LUZP2: variants seen among roughly 807,000 people sequenced by gnomAD.
The protein encoded by LUZP2 is leucine zipper protein 2.
Under a neutral mutation model 51.6 loss-of-function variants are expected in LUZP2, and 52 were observed. The ratio of observed to expected loss-of-function variants is 1.01; its 90% CI spans 0.81 to 1.27. The LOEUF (loss-of-function observed/expected upper bound fraction) is 1.27, where lower values mean the gene tolerates loss of function less well. Among genes scored for constraint, LUZP2 ranks in the 50% most tolerant of loss-of-function variants. The probability of loss-of-function intolerance (pLI) is 0.00; values close to 1 mark genes in which losing one functional copy is unlikely to be tolerated. For missense variants in LUZP2, 436 were observed against 395.4 expected (o/e 1.10, Z -0.87); for synonymous variants, 154 against 137.3 (o/e 1.12, Z -0.85).
chr11:24,997,236 C>A (rs1856532323), intron 9 of LUZP2, among the ~76,000 whole-genome samples: 1 of 151,922 alleles, frequency 6.6e-6, no homozygotes, highest in Non-Finnish European at 1.5e-5. Context: ...GTTCCACCAA[C>A]AGTGTAAAAG....
At chr11:24,521,071 C>T (rs1850623423) in intron 1 of LUZP2, among the ~76,000 whole-genome samples, 1 of 152,162 alleles carries the variant, frequency 6.6e-6, no homozygotes, top group African/African-American at 2.4e-5. Context: ...GATTGTGTGG[C>T]TGGGCGTGGT....
chr11:24,849,883 T>C (rs1474170592), intron 5 of LUZP2, among the ~76,000 whole-genome samples: 2 of 152,222 alleles, frequency 1.3e-5, no homozygotes, highest in South Asian at 2.1e-4. Context: ...CCAGTGATGC[T>C]GAGCTTTTTC....
intron 5 of LUZP2, among the ~76,000 whole-genome samples, chr11:24,876,973 A>G (rs1167565888): frequency 6.6e-6 from 1 of 152,176 alleles, no homozygotes; most frequent in Admixed American, 6.6e-5. Flanking sequence ...ACCTGACTTT[A>G]TGTCAGAAAT....
chr11:25,039,158 C>G (rs1857959399), intron 9 of LUZP2, among the ~76,000 whole-genome samples: 1 of 152,148 alleles, frequency 6.6e-6, no homozygotes, highest in African/African-American at 2.4e-5. Flanking sequence ...GTTGTTAGAT[C>G]TTTCAGGTGT....
chr11:25,014,084 C>A (rs1030774715), intron 9 of LUZP2, among the ~76,000 whole-genome samples: 6 of 152,218 alleles, frequency 3.9e-5, no homozygotes, highest in South Asian at 2.1e-4. Flanking sequence ...TGAACTCATC[C>A]TTTTTTATGG....
intron 5 of LUZP2, among the ~76,000 whole-genome samples, chr11:24,859,181 A>G (rs907613565): frequency 6.6e-6 from 1 of 152,226 alleles, no homozygotes; most frequent in African/African-American, 2.4e-5. Context: ...ATTGTCACAT[A>G]TGACTTATAT....
intron 9 of LUZP2, among the ~76,000 whole-genome samples, chr11:25,042,106 C>T (rs1858081932): frequency 6.6e-6 from 1 of 152,062 alleles, no homozygotes; most frequent in South Asian, 2.1e-4. Context: ...AAGGAAAAAA[C>T]TTCATATATC....
At chr11:24,623,866 G>A (rs78048083) in intron 1 of LUZP2, among the ~76,000 whole-genome samples, 5,375 of 151,978 alleles carry the variant, frequency 0.035, 306 homozygotes, top group African/African-American at 0.12. Context: ...AGAAAATGTC[G>A]AAACACTATT....
At chr11:25,067,596 G>C (rs1212958877) in intron 10 of LUZP2, among the ~76,000 whole-genome samples, 1 of 152,018 alleles carries the variant, frequency 6.6e-6, no homozygotes, top group Non-Finnish European at 1.5e-5. Context: ...TTGGTCATTA[G>C]AGAAATGCAA....
chr11:24,553,172 A>G (rs1851770173), intron 1 of LUZP2, among the ~76,000 whole-genome samples: 1 of 151,836 alleles, frequency 6.6e-6, no homozygotes, highest in Middle Eastern at 3.4e-3. Flanking sequence ...GTGTATATAT[A>G]CACACACATT....
At chr11:24,748,910 CAA>C (rs548583846) in intron 4 of LUZP2, among the ~76,000 whole-genome samples, 206 of 152,156 alleles carry the variant, frequency 1.4e-3, no homozygotes, top group African/African-American at 4.7e-3. Context: ...TATATTTCAA[CAA>C]AAGAGTCTTC....
At chr11:25,022,188 T>C (rs1479270095) in intron 9 of LUZP2, among the ~76,000 whole-genome samples, 1 of 152,048 alleles carries the variant, frequency 6.6e-6, no homozygotes, top group Non-Finnish European at 1.5e-5. Context: ...TGTATTAATA[T>C]GCTGTGTCCT....
At chr11:24,831,065 G>A (rs1850689491) in intron 5 of LUZP2, among the ~76,000 whole-genome samples, 1 of 152,180 alleles carries the variant, frequency 6.6e-6, no homozygotes, top group Non-Finnish European at 1.5e-5. Context: ...AAACTCAAGA[G>A]TTCTGTTTCC....
intron 5 of LUZP2, among the ~76,000 whole-genome samples, chr11:24,815,104 G>C (rs1850140261): frequency 6.6e-6 from 1 of 152,096 alleles, no homozygotes; most frequent in South Asian, 2.1e-4. Flanking sequence ...ATGGGAAACT[G>C]AATCTGTGTT....
intron 1 of LUZP2, among the ~76,000 whole-genome samples, chr11:24,545,201 G>A (rs1012358582): frequency 1.4e-5 from 2 of 144,180 alleles, no homozygotes; most frequent in Non-Finnish European, 3.0e-5. Flanking sequence ...TGCATACTTT[G>A]CAAATATTTT....
chr11:25,059,801 G>C (rs1858784975), intron 10 of LUZP2, among the ~76,000 whole-genome samples: 1 of 152,138 alleles, frequency 6.6e-6, no homozygotes, highest in Non-Finnish European at 1.5e-5. Context: ...GCAATGTCTA[G>C]ATTTTGTAAT....
intron 7 of LUZP2, among the ~76,000 whole-genome samples, chr11:24,920,090 T>G (rs1380677487): frequency 6.6e-6 from 1 of 151,828 alleles, no homozygotes; most frequent in Non-Finnish European, 1.5e-5. Flanking sequence ...TTTGCTTACT[T>G]TTTTGGGGAG....
intron 1 of LUZP2, among the ~76,000 whole-genome samples, chr11:24,633,327 A>C (rs1854957833): frequency 1.3e-5 from 2 of 152,060 alleles, no homozygotes; most frequent in East Asian, 3.9e-4. Context: ...ACCAAATCCA[A>C]ATATATAAAG....
At position 24,659,486 on chromosome 11, in the gene LUZP2, C is replaced by G. The variant is rs183914033; in HGVS notation, c.63-69683C>G. 4.1e-3 allele frequency among the ~76,000 whole-genome samples: 630 copies of G among 151,870 alleles called. 7 individuals are homozygous for G. The highest frequency in any genetic ancestry group is 0.015 in the African/African-American group (602 of 41,410). ...CCTAATGCTAAATGACGAGTTAATGCGTGCAGCACACCAACATGGCACATG... is the reference window on the plus strand; with the variant it reads ...CCTAATGCTAAATGACGAGTTAATGGGTGCAGCACACCAACATGGCACATG... On this transcript the variant is annotated intron_variant, in intron 1 of 11. Transcript: ENST00000336930.
Sources: allele counts gnomAD v4.1 joint callset (sites outside exome capture counted in the v4.1 genomes callset), GRCh38; gene constraint gnomAD v4.1.1; transcripts MANE v1.5; gene names NCBI Gene and HGNC (gene_info 2026-07-23, HGNC 2026-07-21).